The following SLC35G2 variants were observed in gnomAD, a reference collection of about 807,000 sequenced individuals.
SLC35G2 encodes the protein solute carrier family 35 member G2, also known as transmembrane protein 22.
Under a neutral mutation model 27.2 loss-of-function variants are expected in SLC35G2, and 20 were observed. The observed-to-expected ratio is 0.74, with a 90% CI of 0.52 to 1.07. The LOEUF (loss-of-function observed/expected upper bound fraction) is 1.07, where lower values mean the gene tolerates loss of function less well. Ranked by LOEUF, SLC35G2 falls within the 50% of genes least tolerant of loss-of-function variation. SLC35G2 has a pLI of 0.00. For synonymous variants in SLC35G2, 148 were observed against 165.3 expected (o/e 0.90, Z 0.80); for missense variants, 416 against 493.3 (o/e 0.84, Z 1.48).
At chr3:136,837,698 A>C (rs1936912985) in intron 1 of SLC35G2, 1 of 152,188 alleles carries the variant, frequency 6.6e-6, no homozygotes, top group South Asian at 2.1e-4. Context: ...TGTATAAAGA[A>C]AGCCATGATG....
At chr3:136,839,671 C>T (rs1361994554) in intron 1 of SLC35G2, among the ~76,000 whole-genome samples, 1 of 152,150 alleles carries the variant, frequency 6.6e-6, no homozygotes, top group Non-Finnish European at 1.5e-5. Flanking sequence ...ATACCTTCTG[C>T]TCTTATTTAT....
chr3:136,852,386 A>G (rs1005647323), intron 1 of SLC35G2, among the ~76,000 whole-genome samples: 17 of 152,310 alleles, frequency 1.1e-4, no homozygotes, highest in Admixed American at 4.6e-4. Context: ...GTGTCGAAGA[A>G]CAAAATGAGA....
At chr3:136,829,651 T>C (rs1936674161) in intron 1 of SLC35G2, among the ~76,000 whole-genome samples, 1 of 152,194 alleles carries the variant, frequency 6.6e-6, no homozygotes, top group South Asian at 2.1e-4. Context: ...GGAAACTATT[T>C]CTCCTTCATG....
At chr3:136,835,380 TAC>T (rs3054129) in intron 1 of SLC35G2, among the ~76,000 whole-genome samples, 97,698 of 147,240 alleles carry the variant, frequency 0.66, 32,870 homozygotes, top group East Asian at 0.86. Context: ...ATTCAGGTGA[TAC>T]ATTTTTTTTT....
At chr3:136,823,912 T>C (rs572462699) in intron 1 of SLC35G2, among the ~76,000 whole-genome samples, 1 of 152,226 alleles carries the variant, frequency 6.6e-6, no homozygotes, top group Admixed American at 6.5e-5. Flanking sequence ...TGGTGAGTGA[T>C]AGGGGTCTAG....
chr3:136,855,013 T>C lies in SLC35G2; in HGVS notation c.553T>C (p.Ser185Pro). ...CATTTCTATCACTTGTGCTTATACATCATTTTCAATAGTTCCTCCCAGCAA... is the reference window on the plus strand; with the variant it reads ...CATTTCTATCACTTGTGCTTATACACCATTTTCAATAGTTCCTCCCAGCAA... The part of the protein sequence containing the change: ...NVISITCAYT[S>P]FSIVPPSNGT... The change falls in exon 2 of 2, where the codon TCA becomes CCA. Residue 185 changes from serine to proline, a missense_variant. Physicochemically the swap from Ser to Pro is moderately conservative, Grantham distance 74. Transcript: ENST00000446465. The C allele has an allele frequency of 6.2e-7, 1 of 1,614,240 alleles. No individual in the cohort carries two copies. The highest frequency in any genetic ancestry group is 8.5e-7 in the Non-Finnish European group (1 of 1,180,040).
At position 136,854,923 on chromosome 3, in the gene SLC35G2, C is replaced by T; in HGVS notation, c.463C>T (p.Gln155Ter). The T allele has an allele frequency of 6.2e-7, 1 of 1,614,104 alleles. No homozygotes were observed. Among genetic ancestry groups the T allele is most frequent in the Non-Finnish European group, 8.5e-7 (1 of 1,180,008 alleles). Residue 155 changes from glutamine to a stop codon, truncating the protein, a stop_gained, in exon 2 of 2, where the codon CAG becomes TAG. Transcript: ENST00000446465. LOFTEE classifies it high-confidence loss of function. ...VLSVLVVCYY[Q>*]EAPFGPSGYR... ...ATCTGTGTTAGTTGTGTGTTACTAT[C>T]AGGAGGCCCCCTTTGGACCCAGTGG... is the stretch of plus-strand genomic sequence containing the variant.
intron 1 of SLC35G2, among the ~76,000 whole-genome samples, chr3:136,834,645 C>G (rs1178727567): frequency 3.3e-5 from 5 of 152,100 alleles, no homozygotes; most frequent in Non-Finnish European, 2.9e-5. Context: ...AAATTCAGGA[C>G]TTCATCATCA....
At chr3:136,830,104 CTTTTTTTTTT>C (rs71134418) in intron 1 of SLC35G2, among the ~76,000 whole-genome samples, 43 of 88,796 alleles carry the variant, frequency 4.8e-4, no homozygotes, top group African/African-American at 9.2e-4. Flanking sequence ...TACATTATTT[CTTTTTTTTTT>C]TTTTTTTTTT....
intron 1 of SLC35G2, chr3:136,838,266 TATATATATATATATATAA>T (rs1472680244): frequency 1.6e-4 from 2 of 12,618 alleles, no homozygotes; most frequent in Non-Finnish European, 3.8e-4. Context: ...TATATATATA[TATATATATATATATATAA>T]ATGCACACAC....
At chr3:136,845,967 CTG>C (rs1272763626) in intron 1 of SLC35G2, among the ~76,000 whole-genome samples, 1 of 151,578 alleles carries the variant, frequency 6.6e-6, no homozygotes, top group Non-Finnish European at 1.5e-5. Context: ...CTGGATGTTT[CTG>C]TGAGAGTGTT....
chr3:136,830,104 C>CTT (rs71134418), intron 1 of SLC35G2, among the ~76,000 whole-genome samples: 299 of 88,790 alleles, frequency 3.4e-3, no homozygotes, highest in African/African-American at 4.6e-3. Flanking sequence ...TACATTATTT[C>CTT]TTTTTTTTTT....
At chr3:136,832,821 C>A (rs1936763643) in intron 1 of SLC35G2, among the ~76,000 whole-genome samples, 1 of 152,150 alleles carries the variant, frequency 6.6e-6, no homozygotes, top group Admixed American at 6.5e-5. Context: ...GTAATCCCAG[C>A]ACTTTGGGAG....
chr3:136,846,776 C>T (rs1278705659), intron 1 of SLC35G2, among the ~76,000 whole-genome samples: 19 of 152,220 alleles, frequency 1.2e-4, no homozygotes, highest in Non-Finnish European at 2.2e-4. Context: ...CCAAAATTAT[C>T]ATCCAAAACA....
Position 136,854,878 on chromosome 3 carries a change from C to T in SLC35G2, c.418C>T (p.Arg140Cys), listed in dbSNP as rs769328489. The T allele has an allele frequency of 2.1e-5, 34 of 1,613,948 alleles. No individual in the cohort carries two copies. Among genetic ancestry groups the T allele is most frequent in the South Asian group, 8.8e-5 (8 of 91,086 alleles). The change falls in exon 2 of 2, where the codon CGT (arginine) becomes TGT (cysteine). Residue 140 changes from arginine (R) to cysteine (C), a missense_variant. By Grantham distance (180) the Arg-to-Cys change is radical. Transcript: ENST00000446465. ...KVPSLELIFI[R>C]SVFQVLSVLV... Reference sequence around the variant, plus strand: ...TCCATCTCTAGAACTGATTTTTATCCGTTCTGTTTTTCAGGTCTTATCTGT... The same window carrying T: ...TCCATCTCTAGAACTGATTTTTATCTGTTCTGTTTTTCAGGTCTTATCTGT...
chr3:136,842,144 T>C (rs1005436682), intron 1 of SLC35G2: 13 of 152,250 alleles, frequency 8.5e-5, no homozygotes, highest in Non-Finnish European at 1.5e-4. Context: ...TATATCTTAT[T>C]CTAGCCACCA....
At chr3:136,822,608 C>T (rs1936483724) in intron 1 of SLC35G2, among the ~76,000 whole-genome samples, 1 of 152,232 alleles carries the variant, frequency 6.6e-6, no homozygotes, top group Non-Finnish European at 1.5e-5. Context: ...AGCCACTGCG[C>T]CCAGCGTACT....
At chr3:136,840,915 G>T (rs1314293714) in intron 1 of SLC35G2, among the ~76,000 whole-genome samples, 1 of 146,686 alleles carries the variant, frequency 6.8e-6, no homozygotes, top group African/African-American at 2.5e-5. Context: ...GAGCCACTGT[G>T]CCTGGCCCTT....
At chr3:136,843,927 CTG>C (rs991484092) in intron 1 of SLC35G2, among the ~76,000 whole-genome samples, 1 of 152,084 alleles carries the variant, frequency 6.6e-6, no homozygotes, top group Non-Finnish European at 1.5e-5. Flanking sequence ...GAGTGGGACT[CTG>C]TCTCAAAACA....
Sources: gnomAD v4.1 joint callset for allele counts (sites outside exome capture counted in the v4.1 genomes callset) on GRCh38, gnomAD v4.1.1 for gene constraint, MANE v1.5 for transcripts, NCBI Gene and HGNC (gene_info 2026-07-23, HGNC 2026-07-21) for gene names.